Variants in DLG2 observed in about 807,000 individuals in gnomAD.
The protein encoded by DLG2 is disks large homolog 2.
DLG2 carries 45 observed loss-of-function variants against 132.5 expected under a neutral mutation model. The ratio of observed to expected loss-of-function variants is 0.34; its 90% CI spans 0.27 to 0.44. DLG2 has a LOEUF of 0.44. DLG2 is among the 20% of genes least tolerant of loss of function. DLG2 has a pLI of 1.00. For synonymous variants in DLG2, 424 were observed against 419.6 expected, an observed-to-expected ratio of 1.01 and a Z score of -0.13; for missense variants, 1,045 against 1,196.9, an observed-to-expected ratio of 0.87 and a Z score of 1.87.
intron 10 of DLG2, among the ~76,000 whole-genome samples, chr11:84,086,516 G>T (rs1224720248): frequency 3.0e-5 from 4 of 135,094 alleles, no homozygotes; most frequent in African/African-American, 1.1e-4. Flanking sequence ...TTGAGACAAG[G>T]TGTTGCTCTG....
intron 18 of DLG2, among the ~76,000 whole-genome samples, chr11:83,678,534 C>T (rs34839973): frequency 2.6e-5 from 4 of 152,124 alleles, no homozygotes; most frequent in Non-Finnish European, 5.9e-5. Flanking sequence ...CTATTTCCTA[C>T]CCTCATGCAA....
At chr11:84,978,803 A>C (rs1403242687) in intron 6 of DLG2, among the ~76,000 whole-genome samples, 3 of 152,334 alleles carry the variant, frequency 2.0e-5, no homozygotes, top group East Asian at 3.9e-4. Context: ...CAAAAGCCAA[A>C]ATTGACAAAT....
chr11:85,292,180 A>G (rs2078935441), intron 3 of DLG2, among the ~76,000 whole-genome samples: 1 of 152,104 alleles, frequency 6.6e-6, no homozygotes, highest in Admixed American at 6.6e-5. Context: ...TGCAAAGTAA[A>G]AAGTTTTCAT....
intron 3 of DLG2, among the ~76,000 whole-genome samples, chr11:85,527,247 T>C (rs73499161): frequency 0.012 from 1,772 of 152,056 alleles, 33 homozygotes; most frequent in African/African-American, 0.04. Flanking sequence ...GTTACATAGA[T>C]ATACATATGC....
At chr11:85,453,941 C>G (rs2092336127) in intron 3 of DLG2, among the ~76,000 whole-genome samples, 1 of 152,038 alleles carries the variant, frequency 6.6e-6, no homozygotes, top group South Asian at 2.1e-4. Flanking sequence ...ACCCTCCACC[C>G]TTAAGCAGGC....
intron 3 of DLG2, among the ~76,000 whole-genome samples, chr11:85,306,799 C>T (rs934460481): frequency 3.9e-5 from 6 of 152,138 alleles, no homozygotes; most frequent in Non-Finnish European, 7.4e-5. Flanking sequence ...GTCTCAATCT[C>T]CTGACCTCGT....
At chr11:85,063,795 G>A (rs1011520975) in intron 6 of DLG2, among the ~76,000 whole-genome samples, 5 of 151,742 alleles carry the variant, frequency 3.3e-5, no homozygotes, top group African/African-American at 1.2e-4. Context: ...ATGATTTGTA[G>A]TACTTGTGGG....
intron 3 of DLG2, among the ~76,000 whole-genome samples, chr11:85,403,653 C>G (rs1423945933): frequency 6.6e-6 from 1 of 151,830 alleles, no homozygotes; most frequent in Non-Finnish European, 1.5e-5. Flanking sequence ...GAAAATGCAA[C>G]TGGAGATGTA....
At chr11:84,547,640 G>T (rs1431833346) in intron 6 of DLG2, among the ~76,000 whole-genome samples, 1 of 152,076 alleles carries the variant, frequency 6.6e-6, no homozygotes, top group East Asian at 1.9e-4. Flanking sequence ...TATCTTTCCA[G>T]ATGCTTTCCC....
chr11:85,261,434 G>A (rs912318248), intron 4 of DLG2, among the ~76,000 whole-genome samples: 1 of 152,030 alleles, frequency 6.6e-6, no homozygotes, highest in South Asian at 2.1e-4. Context: ...TTGGCATTAG[G>A]GTGGAGGTCT....
intron 6 of DLG2, among the ~76,000 whole-genome samples, chr11:84,884,049 T>A (rs1402284362): frequency 6.6e-6 from 1 of 152,094 alleles, no homozygotes; most frequent in Admixed American, 6.6e-5. Flanking sequence ...TTGATAACAA[T>A]AACAAATAAA....
At chr11:83,965,137 T>C (rs1838219686) in intron 13 of DLG2, among the ~76,000 whole-genome samples, 187 bp downstream of exon 13, 1 of 151,968 alleles carries the variant, frequency 6.6e-6, no homozygotes. Context: ...CATTAGGAGA[T>C]CTCATCTTCA....
At chr11:85,287,184 T>C (rs1342366583) in intron 3 of DLG2, among the ~76,000 whole-genome samples, 2 of 152,098 alleles carry the variant, frequency 1.3e-5, no homozygotes, top group Non-Finnish European at 2.9e-5. Context: ...GTTCATTATG[T>C]ATCAATTATG....
intron 8 of DLG2, among the ~76,000 whole-genome samples, chr11:84,164,225 C>T (rs959970044): frequency 4.6e-5 from 7 of 152,164 alleles, no homozygotes; most frequent in African/African-American, 1.4e-4. Flanking sequence ...CCTTAGATTT[C>T]CACAAATGTG....
At chr11:83,488,013 C>G (rs2093625125) in intron 21 of DLG2, among the ~76,000 whole-genome samples, 1 of 151,750 alleles carries the variant, frequency 6.6e-6, no homozygotes, top group African/African-American at 2.4e-5. Context: ...GGTGGCATAA[C>G]TCTATGAATA....
chr11:84,636,503 T>C (rs1486773830), intron 6 of DLG2, among the ~76,000 whole-genome samples: 1 of 152,158 alleles, frequency 6.6e-6, no homozygotes, highest in Admixed American at 6.5e-5. Flanking sequence ...ATTATTATGA[T>C]GTTTGGAGAT....
intron 15 of DLG2, among the ~76,000 whole-genome samples, chr11:83,907,400 T>C (rs2075212843): frequency 3.3e-5 from 5 of 152,100 alleles, no homozygotes; most frequent in Admixed American, 3.3e-4. Context: ...GAATTGAGAA[T>C]ACAAGATCAT....
At chr11:85,534,326 C>T (rs949048331) in intron 3 of DLG2, among the ~76,000 whole-genome samples, 6 of 151,992 alleles carry the variant, frequency 3.9e-5, no homozygotes, top group Non-Finnish European at 8.8e-5. Context: ...TTTTTTATTT[C>T]ATTTCCTCCA....
At chr11:85,540,322 G>A (rs1047434010) in intron 3 of DLG2, among the ~76,000 whole-genome samples, 8 of 152,192 alleles carry the variant, frequency 5.3e-5, no homozygotes, top group East Asian at 1.9e-4. Context: ...AGACACACGA[G>A]CAGCTGGACA....
Sources: gnomAD v4.1 joint callset for allele counts (sites outside exome capture counted in the v4.1 genomes callset) on GRCh38, gnomAD v4.1.1 for gene constraint, MANE v1.5 for transcripts, NCBI Gene and HGNC (gene_info 2026-07-23, HGNC 2026-07-21) for gene names.